The following TAF4B variants were observed in gnomAD, a reference collection of about 807,000 sequenced individuals.
TAF4B encodes TATA-box binding protein associated factor 4b.
In TAF4B, 38 loss-of-function variants were observed where a neutral mutation model predicts 86.4. The observed-to-expected ratio is 0.44, with a 90% CI of 0.34 to 0.58. The LOEUF is 0.58. Ranked by LOEUF, TAF4B falls within the 20% of genes least tolerant of loss-of-function variation. The pLI is 0.02. For missense variants in TAF4B, 988 were observed against 1,027.6 expected (o/e 0.96, Z 0.53); for synonymous variants, 388 against 391.2 (o/e 0.99, Z 0.10).
At chr18:26,316,700 A>G (rs2056915574) in intron 10 of TAF4B, among the ~76,000 whole-genome samples, 1 of 152,092 alleles carries the variant, frequency 6.6e-6, no homozygotes, top group Non-Finnish European at 1.5e-5. Flanking sequence ...TTCTAATTTA[A>G]ATCGAGAATA....
intron 14 of TAF4B, among the ~76,000 whole-genome samples, chr18:26,372,581 T>C (rs1445901120): frequency 6.6e-6 from 1 of 152,186 alleles, no homozygotes; most frequent in Non-Finnish European, 1.5e-5. Flanking sequence ...TTATGACGTA[T>C]CAAGTCTTAT....
intron 12 of TAF4B, among the ~76,000 whole-genome samples, chr18:26,330,692 G>GT (rs2057043123): frequency 6.6e-6 from 1 of 152,020 alleles, no homozygotes; most frequent in Admixed American, 6.6e-5. Context: ...TTATAAAACC[G>GT]TGAGTTCATA....
chr18:26,374,530 A>G (rs2057429568), intron 14 of TAF4B, among the ~76,000 whole-genome samples: 1 of 152,232 alleles, frequency 6.6e-6, no homozygotes, highest in African/African-American at 2.4e-5. Context: ...AGGATTGCCT[A>G]TAATAAGTAT....
chr18:26,261,965 C>G (rs1568112016), intron 1 of TAF4B, among the ~76,000 whole-genome samples: 1 of 152,174 alleles, frequency 6.6e-6, no homozygotes, highest in African/African-American at 2.4e-5. Flanking sequence ...TATCCCTGCT[C>G]TAGGAACAAG....
At chr18:26,302,235 A>G (rs987617011) in intron 9 of TAF4B, among the ~76,000 whole-genome samples, 2 of 152,010 alleles carry the variant, frequency 1.3e-5, no homozygotes, top group African/African-American at 4.8e-5. Context: ...ATGAACAGAA[A>G]TTCTTAATTT....
chr18:26,362,663 CAG>C (rs1247607865), intron 14 of TAF4B, among the ~76,000 whole-genome samples: 4 of 152,120 alleles, frequency 2.6e-5, no homozygotes, highest in African/African-American at 9.7e-5. Context: ...AGTTTCAAAA[CAG>C]ATGTTTACTA....
At chr18:26,335,516 G>A (rs764626225) in intron 13 of TAF4B, among the ~76,000 whole-genome samples, 3 of 152,128 alleles carry the variant, frequency 2.0e-5, no homozygotes. Context: ...TAAAAAAAAA[G>A]AAACTTTTGA....
chr18:26,350,995 C>T (rs1025236939), intron 13 of TAF4B, among the ~76,000 whole-genome samples: 14 of 152,158 alleles, frequency 9.2e-5, no homozygotes, highest in African/African-American at 3.1e-4. Context: ...AATAGAACTA[C>T]TGTATGATCC....
At chr18:26,388,432 G>C (rs1400784335) in intron 14 of TAF4B, among the ~76,000 whole-genome samples, 1 of 152,204 alleles carries the variant, frequency 6.6e-6, no homozygotes, top group Admixed American at 6.5e-5. Flanking sequence ...TGTGAACTCT[G>C]CTAAGCTCTA....
At chr18:26,326,080 A>G (rs965038531) in intron 11 of TAF4B, among the ~76,000 whole-genome samples, 2 of 152,270 alleles carry the variant, frequency 1.3e-5, no homozygotes, top group Admixed American at 6.5e-5. Context: ...TTTTTCTACT[A>G]TACAGTTTCT....
chr18:26,349,332 G>A (rs1174237363), intron 13 of TAF4B, among the ~76,000 whole-genome samples: 1 of 151,884 alleles, frequency 6.6e-6, no homozygotes, highest in African/African-American at 2.4e-5. Flanking sequence ...GACTACCAAT[G>A]CAATAAATGC....
intron 9 of TAF4B, among the ~76,000 whole-genome samples, chr18:26,310,956 G>GTT (rs200429421): frequency 5.5e-5 from 8 of 144,722 alleles, no homozygotes; most frequent in Non-Finnish European, 3.0e-5. Flanking sequence ...TGCTTTTTTT[G>GTT]TTTTTTTTTT....
At chr18:26,369,027 C>G (rs1567926118) in intron 14 of TAF4B, among the ~76,000 whole-genome samples, 1 of 152,080 alleles carries the variant, frequency 6.6e-6, no homozygotes, top group Non-Finnish European at 1.5e-5. Context: ...AAACTAGTGA[C>G]TAGAGGCATT....
intron 1 of TAF4B, among the ~76,000 whole-genome samples, chr18:26,228,369 G>T (rs1299234630): frequency 2.0e-5 from 3 of 152,100 alleles, no homozygotes; most frequent in Non-Finnish European, 4.4e-5. Context: ...AGTCATACAC[G>T]TTGTGGATAG....
At chr18:26,335,113 A>T in intron 12 of TAF4B, 62 bp from the exon 13 acceptor site, 1 of 1,159,406 alleles carries the variant, frequency 8.6e-7, no homozygotes, top group Non-Finnish European at 1.3e-6. Flanking sequence ...TTAAATATTT[A>T]ATGGCAACTA....
chr18:26,319,056 T>TTTTTAA (rs2056937428), intron 10 of TAF4B, among the ~76,000 whole-genome samples: 2 of 152,032 alleles, frequency 1.3e-5, no homozygotes, highest in South Asian at 4.2e-4. Context: ...TAGTTGGGCC[T>TTTTTAA]GTTGGCTCAT....
chr18:26,348,663 T>G (rs2057220387), intron 13 of TAF4B: 1 of 153,096 alleles, frequency 6.5e-6, no homozygotes, highest in African/African-American at 2.4e-5. Flanking sequence ...CAAGCATTAC[T>G]AAATATCAGG....
At chr18:26,278,247 A>C (rs760982942) in intron 5 of TAF4B, among the ~76,000 whole-genome samples, 1 of 152,220 alleles carries the variant, frequency 6.6e-6, no homozygotes, top group Non-Finnish European at 1.5e-5. Flanking sequence ...AGATTTAGTA[A>C]AGTTAATTTT....
intron 9 of TAF4B, among the ~76,000 whole-genome samples, chr18:26,302,742 T>C (rs1217634283): frequency 1.3e-5 from 2 of 152,132 alleles, no homozygotes; most frequent in Non-Finnish European, 2.9e-5. Context: ...GAGATCCTGA[T>C]TCGTTTTTCC....
Sources: gnomAD v4.1 joint callset for allele counts (sites outside exome capture counted in the v4.1 genomes callset) on GRCh38, gnomAD v4.1.1 for gene constraint, MANE v1.5 for transcripts, NCBI Gene and HGNC (gene_info 2026-07-23, HGNC 2026-07-21) for gene names.